GLT8D2: variants seen among roughly 807,000 people sequenced by gnomAD.
GLT8D2 encodes glycosyltransferase 8 domain containing 2, also known as glycosyltransferase 8 domain-containing protein 2.
GLT8D2 carries 45 observed loss-of-function variants against 44.5 expected under a neutral mutation model. The observed-to-expected ratio is 1.01, with a 90% confidence interval of 0.80 to 1.30. The LOEUF (loss-of-function observed/expected upper bound fraction) is 1.30, where lower values mean the gene tolerates loss of function less well. GLT8D2 is among the 50% of genes most tolerant of loss of function. The pLI, the probability that GLT8D2 is intolerant of heterozygous loss-of-function variation, is 0.00. For missense variants in GLT8D2, 400 were observed against 430.4 expected (o/e 0.93, Z 0.62); for synonymous variants, 156 against 157.2 (o/e 0.99, Z 0.06).
intron 4 of GLT8D2, chr12:104,014,481 A>T (rs934489381): frequency 5.2e-6 from 3 of 571,618 alleles, no homozygotes; most frequent in Non-Finnish European, 9.4e-6. Context: ...GAGGAGGGAA[A>T]CATGGTTCTC....
intron 10 of GLT8D2, 142 bp from the exon 11 acceptor site, chr12:103,989,719 C>G: frequency 1.5e-6 from 1 of 659,764 alleles, no homozygotes; most frequent in Non-Finnish European, 2.5e-6. Context: ...CCCCAGGTCT[C>G]CAAATCAACC....
At chr12:103,998,086 A>G (rs1052152135) in intron 6 of GLT8D2, among the ~76,000 whole-genome samples, 1 of 152,106 alleles carries the variant, frequency 6.6e-6, no homozygotes, top group African/African-American at 2.4e-5. Flanking sequence ...CATGGCTTGT[A>G]CTCTGACAAC....
intron 1 of GLT8D2, among the ~76,000 whole-genome samples, chr12:104,056,614 G>A (rs1882202610): frequency 6.6e-6 from 1 of 152,220 alleles, no homozygotes; most frequent in African/African-American, 2.4e-5. Context: ...TGCTTGGCAT[G>A]GTAACAGCAC....
chr12:104,012,814 A>T, intron 4 of GLT8D2: 1 of 699,604 alleles, frequency 1.4e-6, no homozygotes. Flanking sequence ...TTATCCCAGT[A>T]AGACTGGTAT....
Position 103,997,495 on chromosome 12 carries a change from TGGTGGATAAGTAG to T in GLT8D2, c.430_442del (p.Leu144AsnfsTer12). The T allele has an allele frequency of 6.2e-7, 1 of 1,613,948 alleles. No homozygotes were observed. Among genetic ancestry groups the T allele is most frequent in the Non-Finnish European group, 8.5e-7 (1 of 1,179,828 alleles). ...GTCCAAATAGATGACTTTCTCGTGTTGGTGGATAAGTAGAGGGAGATAAAATCGAACAAAGTTC... is the reference window on the plus strand; with the variant it reads ...GTCCAAATAGATGACTTTCTCGTGTTAGGGAGATAAAATCGAACAAAGTTC... On this transcript the variant is annotated frameshift_variant, in exon 7 of 11. Transcript: ENST00000360814. LOFTEE classifies it high-confidence loss of function.
intron 4 of GLT8D2, among the ~76,000 whole-genome samples, chr12:104,005,256 T>C (rs1432498622): frequency 6.6e-6 from 1 of 152,196 alleles, no homozygotes; most frequent in Non-Finnish European, 1.5e-5. Context: ...GACTGAAATG[T>C]TAGACCTAAA....
intron 1 of GLT8D2, among the ~76,000 whole-genome samples, chr12:104,032,466 C>CAAAAAAGA (rs1879385105): frequency 1.7e-5 from 1 of 59,700 alleles, no homozygotes; most frequent in Non-Finnish European, 3.5e-5. Flanking sequence ...TGTGCAATAG[C>CAAAAAAGA]AAAAAAAAAA....
intron 10 of GLT8D2, among the ~76,000 whole-genome samples, chr12:103,991,603 T>A (rs1872743457): frequency 6.6e-6 from 1 of 152,160 alleles, no homozygotes; most frequent in East Asian, 1.9e-4. Context: ...AAAATAGACC[T>A]TCTACTTTGA....
chr12:104,040,006 G>A (rs1880359215), intron 1 of GLT8D2, among the ~76,000 whole-genome samples: 1 of 152,196 alleles, frequency 6.6e-6, no homozygotes, highest in African/African-American at 2.4e-5. Flanking sequence ...GGACATGGAT[G>A]AAGCTGGAAA....
At chr12:104,032,303 T>C (rs955028412) in intron 1 of GLT8D2, among the ~76,000 whole-genome samples, 42 of 150,810 alleles carry the variant, frequency 2.8e-4, no homozygotes, top group Admixed American at 6.6e-4. Context: ...CCTTGTTTCA[T>C]GGCAGTGAAA....
At chr12:104,036,161 C>T (rs1879907927) in intron 1 of GLT8D2, among the ~76,000 whole-genome samples, 1 of 152,124 alleles carries the variant, frequency 6.6e-6, no homozygotes, top group African/African-American at 2.4e-5. Flanking sequence ...CTGAAGGGAG[C>T]ACTAAACATG....
chr12:103,990,650 G>A (rs1420901926), intron 10 of GLT8D2, among the ~76,000 whole-genome samples: 11 of 152,278 alleles, frequency 7.2e-5, no homozygotes, highest in African/African-American at 2.4e-4. Context: ...ATTGTATGAC[G>A]TTAACAACAA....
At chr12:104,061,477 G>A (rs1229846835) in intron 1 of GLT8D2, among the ~76,000 whole-genome samples, 2 of 151,844 alleles carry the variant, frequency 1.3e-5, no homozygotes, top group Non-Finnish European at 2.9e-5. Flanking sequence ...TAAACACTTT[G>A]GGTTTTATGA....
In GLT8D2 at chr12:104,045,939, A is replaced by AAAG. The variant is rs1566213333; in HGVS notation, c.-164+3955_-164+3956insCTT. On this transcript the variant is annotated intron_variant, in intron 1 of 10. Coordinates refer to ENST00000360814, the MANE Select transcript of GLT8D2 (RefSeq NM_001384711.1). ...AGAAAGAAAGAAAGAAAGAAAGAAA[A>AAAG]AGAAAGAAAGAAAGAAAATAAGAAA... Among the ~76,000 whole-genome samples the AAAG allele has an allele frequency of 6.9e-3, 787 of 113,760 alleles. 8 individuals are homozygous for AAAG. The highest frequency in any genetic ancestry group is 0.021 in the African/African-American group (669 of 31,720). The allele number at this position is 113,760 out of a possible 152,430, so 74.6% of individuals were successfully genotyped here.
chr12:104,061,911 G>A (rs936096023), intron 1 of GLT8D2, among the ~76,000 whole-genome samples: 1 of 150,246 alleles, frequency 6.7e-6, no homozygotes, highest in African/African-American at 2.5e-5. Flanking sequence ...AGGAGGTGGA[G>A]GTTGCAGTGA....
chr12:104,026,937 A>G (rs1200485375), intron 1 of GLT8D2, among the ~76,000 whole-genome samples: 2 of 152,242 alleles, frequency 1.3e-5, no homozygotes, highest in Non-Finnish European at 2.9e-5. Flanking sequence ...TAACCTTTAG[A>G]AACTAACAAC....
upstream of GLT8D2, among the ~76,000 whole-genome samples, chr12:104,052,914 A>AATTATATATTATTCAATAAAAT: frequency 6.6e-6 from 1 of 152,250 alleles, no homozygotes; most frequent in Admixed American, 6.5e-5. Flanking sequence ...ATTTTAAAGC[A>AATTATATATTATTCAATAAAAT]CAATTCCATT....
chr12:104,016,803 G>GA (rs1876825161), intron 3 of GLT8D2, among the ~76,000 whole-genome samples: 3 of 116,190 alleles, frequency 2.6e-5, no homozygotes, highest in Non-Finnish European at 5.4e-5. Context: ...AGGAAGGAAG[G>GA]AAGGAAAGAA....
At chr12:104,060,308 TCTC>T (rs1205836867) in intron 1 of GLT8D2, among the ~76,000 whole-genome samples, 1 of 152,158 alleles carries the variant, frequency 6.6e-6, no homozygotes, top group African/African-American at 2.4e-5. Flanking sequence ...TTCTCCAAAC[TCTC>T]CTCCTAGGTT....
Sources: allele counts gnomAD v4.1 joint callset (sites outside exome capture counted in the v4.1 genomes callset), GRCh38; gene constraint gnomAD v4.1.1; transcripts MANE v1.5; gene names NCBI Gene and HGNC (gene_info 2026-07-23, HGNC 2026-07-21).